HTT: variants seen among roughly 807,000 people sequenced by gnomAD.
The protein encoded by HTT is huntington disease protein.
Under a neutral mutation model 362.3 loss-of-function variants are expected in HTT, and 104 were observed. The observed-to-expected ratio is 0.29, with a 90% CI of 0.24 to 0.34. HTT has a LOEUF of 0.34. Among genes scored for constraint, HTT ranks in the 10% least tolerant of loss-of-function variants. The probability of loss-of-function intolerance (pLI) is 1.00; values close to 1 mark genes in which losing one functional copy is unlikely to be tolerated. For synonymous variants in HTT, 1,577 were observed against 1,548.7 expected (o/e 1.02, Z -0.43); for missense variants, 3,301 against 3,928.6 (o/e 0.84, Z 4.27).
At chr4:3,209,110 T>G (rs1720011671) in intron 46 of HTT, among the ~76,000 whole-genome samples, 199 bp downstream of exon 46, 2 of 152,332 alleles carry the variant, frequency 1.3e-5, no homozygotes, top group South Asian at 4.1e-4. Context: ...TGGGACCCTT[T>G]TGGTAGGAGT....
At chr4:3,101,113 A>C (rs1714131034) in intron 3 of HTT, among the ~76,000 whole-genome samples, 1 of 152,248 alleles carries the variant, frequency 6.6e-6, no homozygotes, top group Non-Finnish European at 1.5e-5. Context: ...GGTTCATGGC[A>C]AATGGGACGT....
At chr4:3,117,611 C>T (rs1226746669) in intron 8 of HTT, among the ~76,000 whole-genome samples, 1 of 151,986 alleles carries the variant, frequency 6.6e-6, no homozygotes, top group African/African-American at 2.4e-5. Flanking sequence ...CCAAGCTGGG[C>T]GGATCACTTG....
At chr4:3,230,131 G>A in intron 60 of HTT, 89 bp downstream of exon 60, 7 of 1,138,730 alleles carry the variant, frequency 6.1e-6, no homozygotes, top group Middle Eastern at 2.8e-4. Flanking sequence ...GGTGCCGGGT[G>A]CGGCTGCCTC....
Position 3,135,974 on chromosome 4 carries a change from G to A in HTT, c.2697+7G>A, listed in dbSNP as rs371857616. The A allele has an allele frequency of 1.1e-4, 176 of 1,579,616 alleles. No individual in the cohort carries two copies. Among genetic ancestry groups the A allele is most frequent in the Non-Finnish European group, 1.4e-4 (163 of 1,166,296 alleles). On this transcript the variant is annotated splice_region_variant and intron_variant, in intron 20 of 66. Coordinates refer to ENST00000355072, the MANE Select transcript of HTT (RefSeq NM_001388492.1). ...GGCTCATCATTATACAGGGGTAAGC[G>A]GTTTATTTTTGTGAGATGCTGTTTT...
intron 11 of HTT, among the ~76,000 whole-genome samples, chr4:3,126,309 C>T (rs968728504): frequency 6.6e-6 from 1 of 152,190 alleles, no homozygotes; most frequent in Non-Finnish European, 1.5e-5. Flanking sequence ...CTGCCTCAGC[C>T]TCCCACAGTG....
At chr4:3,221,780 G>A (rs1720687716) in intron 53 of HTT, among the ~76,000 whole-genome samples, 1 of 152,298 alleles carries the variant, frequency 6.6e-6, no homozygotes, top group East Asian at 1.9e-4. Flanking sequence ...AGGGTCTGTC[G>A]GATGTATTTT....
rs568245185 is a variant in HTT, at chr4:3,084,936, C to A, written c.264-2003C>A. On this transcript the variant is annotated intron_variant, in intron 1 of 66. Coordinates refer to ENST00000355072, the MANE Select transcript of HTT (RefSeq NM_001388492.1). The stretch of plus-strand genomic sequence containing the variant: ...GGCTGAAGCAGGAGAATGGTGTGAA[C>A]CCGGGAGGCAGAGCTGGCAGTGAGC... Among the ~76,000 whole-genome samples the A allele has an allele frequency of 1.7e-3, 252 of 151,712 alleles. 2 individuals carry two copies. The highest frequency in any genetic ancestry group is 3.0e-3 in the Admixed American group (46 of 15,196).
intron 64 of HTT, 81 bp downstream of exon 64, chr4:3,236,335 G>C: frequency 1.0e-6 from 1 of 957,222 alleles, no homozygotes; most frequent in South Asian, 1.3e-5. Flanking sequence ...TGTGTCTGCT[G>C]ATCCCCTGGC....
chr4:3,208,881 C>T lies in HTT; in HGVS notation c.6261C>T (p.His2087=), dbSNP rs200512822. 1.1e-4 allele frequency: 185 copies of T among 1,613,568 alleles called. 1 individual carries two copies. Among genetic ancestry groups the T allele is most frequent in the South Asian group, 6.9e-4 (63 of 91,016 alleles). ...CCCACCCGCTGGACGGGGATGGGCA[C>T]GTGTCACTGGAAACAGTGAGTCCGG... ...VSSHPLDGDG[H]VSLETVSPDK... is the part of the protein sequence containing the mutation. The change falls in exon 46 of 67, where the codon CAC becomes CAT. Residue 2087 remains histidine (H), a synonymous_variant. Coordinates refer to ENST00000355072, the MANE Select transcript of HTT (RefSeq NM_001388492.1).
chr4:3,076,955 A>G (rs1712586202), intron 1 of HTT, among the ~76,000 whole-genome samples: 1 of 152,134 alleles, frequency 6.6e-6, no homozygotes, highest in African/African-American at 2.4e-5. Context: ...AGGTGGACGA[A>G]TCACCTGAGG....
At chr4:3,229,247 C>T (rs1280380168) in intron 59 of HTT, among the ~76,000 whole-genome samples, 1 of 147,470 alleles carries the variant, frequency 6.8e-6, no homozygotes, top group Admixed American at 6.7e-5. Context: ...CACACACACG[C>T]CACACCACAT....
intron 21 of HTT, among the ~76,000 whole-genome samples, chr4:3,140,177 C>T (rs973466177): frequency 1.3e-5 from 2 of 151,672 alleles, no homozygotes; most frequent in South Asian, 2.1e-4. Context: ...AGGAGAATCA[C>T]TTGAACCTGG....
chr4:3,215,774 C>T (rs748742519), intron 51 of HTT, among the ~76,000 whole-genome samples: 2 of 151,964 alleles, frequency 1.3e-5, no homozygotes, highest in Admixed American at 6.6e-5. Flanking sequence ...ACATATACTA[C>T]GGCTTTTCAT....
At chr4:3,118,201 T>G (rs1426742998) in intron 8 of HTT, among the ~76,000 whole-genome samples, 1 of 152,242 alleles carries the variant, frequency 6.6e-6, no homozygotes, top group Non-Finnish European at 1.5e-5. Flanking sequence ...TTAGTGTATA[T>G]TTTATATCTG....
At chr4:3,237,771 T>A (rs1210999070) in intron 64 of HTT, among the ~76,000 whole-genome samples, 1 of 152,078 alleles carries the variant, frequency 6.6e-6, no homozygotes, top group Admixed American at 6.5e-5. Flanking sequence ...ATGTGTGCAC[T>A]GATGAGACGG....
chr4:3,155,272 A>G (rs1024842733), intron 27 of HTT, among the ~76,000 whole-genome samples: 2 of 151,294 alleles, frequency 1.3e-5, no homozygotes, highest in Non-Finnish European at 3.0e-5. Flanking sequence ...CCCAGGCTGG[A>G]GTGCAGTGGT....
intron 12 of HTT, chr4:3,129,717 C>A: frequency 2.2e-6 from 1 of 452,570 alleles, no homozygotes; most frequent in Non-Finnish European, 3.8e-6. Flanking sequence ...GCTAATAGAG[C>A]TTTTCATAAT....
chr4:3,091,896 A>G (rs1713527925), intron 2 of HTT, among the ~76,000 whole-genome samples: 1 of 152,216 alleles, frequency 6.6e-6, no homozygotes, highest in Non-Finnish European at 1.5e-5. Flanking sequence ...TAGCAGTTTT[A>G]CCTCTAGGGT....
intron 8 of HTT, 68 bp from the exon 9 acceptor site, chr4:3,121,159 AC>A: frequency 8.4e-7 from 1 of 1,188,678 alleles, no homozygotes; most frequent in Non-Finnish European, 1.2e-6. Flanking sequence ...ATTAAAAACA[AC>A]AAAAAAGTGA....
Sources: gnomAD v4.1 joint callset for allele counts (sites outside exome capture counted in the v4.1 genomes callset) on GRCh38, gnomAD v4.1.1 for gene constraint, MANE v1.5 for transcripts, NCBI Gene and HGNC (gene_info 2026-07-23, HGNC 2026-07-21) for gene names.